Variants in GRIP2 observed in about 807,000 individuals in gnomAD.
GRIP2 encodes the protein glutamate receptor-interacting protein 2.
A neutral mutation model predicts 108.3 loss-of-function variants in GRIP2; 58 were observed. That is an observed-to-expected ratio of 0.54 (90% confidence interval 0.43 to 0.67). GRIP2 has a LOEUF of 0.67. Among genes scored for constraint, GRIP2 ranks in the 30% least tolerant of loss-of-function variants. The pLI is 0.00. For missense variants in GRIP2, 1,278 were observed against 1,430.6 expected, an observed-to-expected ratio of 0.89 and a Z score of 1.72; for synonymous variants, 586 against 598.2, an observed-to-expected ratio of 0.98 and a Z score of 0.30.
rs368701302 is a variant in GRIP2, at chr3:14,507,634, C to T, written c.2145G>A (p.Pro715=). 2.0e-3 allele frequency: 3,271 copies of T among 1,613,988 alleles called. 91 individuals carry two copies. The South Asian group carries it at 0.033, about 16-fold the overall frequency. The change falls in exon 18 of 24, where the codon CCG becomes CCA. Residue 715 remains proline (P), a synonymous_variant. Coordinates refer to ENST00000621039, the MANE Select transcript of GRIP2 (RefSeq NM_001080423.4). The surrounding 1 kb of genome is among the most constrained non-coding windows in gnomAD (Gnocchi z 4.6). ...GCAGGAGGTGGATGGCCTCGCTCAG[C>T]GGCCGGCCCTTGAGGCTAACGTTGT... ...AINNVSLKGR[P]LSEAIHLLQV... is the part of the protein sequence containing the mutation.
In GRIP2 at chr3:14,521,603, C is replaced by A; in HGVS notation, c.712+39G>T. ...TGCCACCTCCCCCCATCCCAGGCCTCCTCCTGCCCCAACCCACACACTCAG... is the reference window on the plus strand; with the variant it reads ...TGCCACCTCCCCCCATCCCAGGCCTACTCCTGCCCCAACCCACACACTCAG... On this transcript the variant is annotated intron_variant, in intron 7 of 23. Coordinates refer to ENST00000621039, the MANE Select transcript of GRIP2 (RefSeq NM_001080423.4). This position sits in a 1 kb window ranked among gnomAD's most constrained non-coding sequence, Gnocchi z 5.1. The A allele has an allele frequency of 6.4e-7, 1 of 1,564,034 alleles. No homozygotes were observed. The highest frequency in any genetic ancestry group is 1.2e-5 in the South Asian group (1 of 83,166).
Position 14,521,701 on chromosome 3 carries a change from G to T in GRIP2, c.653C>A (p.Thr218Asn), listed in dbSNP as rs1404435349. 2 of 1,611,862 alleles carry T rather than the reference G, an allele frequency of 1.2e-6. No homozygotes were observed. The highest frequency in any genetic ancestry group is 2.2e-5 in the South Asian group (2 of 90,560). The change falls in exon 7 of 24, where the codon ACC becomes AAC. Residue 218 changes from threonine to asparagine, a missense_variant. Coordinates refer to ENST00000621039, the MANE Select transcript of GRIP2 (RefSeq NM_001080423.4). The surrounding 1 kb of genome is among the most constrained non-coding windows in gnomAD (Gnocchi z 5.1). ...HGASHATALA[T>N]LRQCSHEALF... ...TGCCTCGTGGCTGCACTGCCGCAGGGTGGCCAGGGCGGTGGCATGGCTGGC... is the reference window on the plus strand; with the variant it reads ...TGCCTCGTGGCTGCACTGCCGCAGGTTGGCCAGGGCGGTGGCATGGCTGGC...
the GRIP2 span, among the ~76,000 whole-genome samples, chr3:14,588,934 C>A: frequency 1.3e-5 from 2 of 152,318 alleles, no homozygotes; most frequent in East Asian, 1.9e-4. Flanking sequence ...CACACCCAGC[C>A]CCCCAAAACC....
upstream of GRIP2, among the ~76,000 whole-genome samples, chr3:14,559,801 C>T (rs1178534776): frequency 6.6e-6 from 1 of 152,156 alleles, no homozygotes; most frequent in Non-Finnish European, 1.5e-5. Context: ...GCTGCTTCTC[C>T]CTGAGCCTCA....
In GRIP2 at chr3:14,513,211, C is replaced by T. The variant is rs376254823; in HGVS notation, c.1640-354G>A. Among the ~76,000 whole-genome samples the T allele has an allele frequency of 3.5e-4, 53 of 152,268 alleles. 3 individuals are homozygous for T. In the South Asian group the frequency reaches 0.011, roughly 30 times the overall value. On this transcript the variant is annotated intron_variant, in intron 13 of 23. Transcript: ENST00000621039. ...GTGCCAGGCCGTGGCTGGGTATTTT[C>T]ATGTTTTCATTTCTCTTGGGCATAT...
Position 14,512,864 on chromosome 3 carries a change from G to A in GRIP2, c.1640-7C>T. 6.2e-7 allele frequency: 1 copy of A among 1,613,574 alleles called. No individual in the cohort carries two copies. The highest frequency in any genetic ancestry group is 8.5e-7 in the Non-Finnish European group (1 of 1,179,734). ...CTGCTTGGGATGACGGACTCTGGGG[G>A]TAGATGGACATAAACCGACGTGAGG... On this transcript the variant is annotated splice_region_variant and splice_polypyrimidine_tract_variant and intron_variant, in intron 13 of 23. Coordinates refer to ENST00000621039, the MANE Select transcript of GRIP2 (RefSeq NM_001080423.4). This position sits in a 1 kb window ranked among gnomAD's most constrained non-coding sequence, Gnocchi z 5.1.
In GRIP2 at chr3:14,505,895, C is replaced by T; in HGVS notation, c.2399-106G>A. ...TGACCCTGGGGAGGTCGTTGCTCCT[C>T]TCTGGGCCTGCATCTACACAGCCCT... On this transcript the variant is annotated intron_variant, in intron 19 of 23. Transcript: ENST00000621039. The surrounding 1 kb of genome is among the most constrained non-coding windows in gnomAD (Gnocchi z 4.2). The T allele has an allele frequency of 9.4e-7, 1 of 1,058,882 alleles. No homozygotes were observed. The allele number at this position is 1,058,882 out of a possible 1,614,324, so 65.6% of individuals were successfully genotyped here.
At chr3:14,529,611 C>A (rs1694657143) in intron 1 of GRIP2, among the ~76,000 whole-genome samples, 1 of 151,520 alleles carries the variant, frequency 6.6e-6, no homozygotes, top group South Asian at 2.1e-4. Flanking sequence ...GATTATTTTG[C>A]TTTTATCTTT....
rs1214715767 is a variant in GRIP2, at chr3:14,520,251, T to C, written c.889A>G (p.Ile297Val). The part of the protein sequence containing the change: ...RSGALHPGDH[I>V]LSIDGTSMEH... ...ATGCTGGTGCCATCGATGGACAGGA[T>C]GTGGTCTCCAGGGTGCAGGGCTCCG... Residue 297 changes from isoleucine to valine, a missense_variant, in exon 9 of 24, where the codon ATC becomes GTC. By Grantham distance (29) the Ile-to-Val change is conservative (BLOSUM62 3). Transcript: ENST00000621039. 1.9e-6 allele frequency: 3 copies of C among 1,613,784 alleles called. No homozygotes were observed. The highest frequency in any genetic ancestry group is 2.5e-6 in the Non-Finnish European group (3 of 1,179,884).
At chr3:14,519,114 GA>G (rs1275831832) in intron 9 of GRIP2, among the ~76,000 whole-genome samples, 1 of 152,210 alleles carries the variant, frequency 6.6e-6, no homozygotes, top group Non-Finnish European at 1.5e-5. Context: ...GCAGATGCTC[GA>G]TAAATGGTAC....
intron 23 of GRIP2, among the ~76,000 whole-genome samples, chr3:14,494,322 G>A (rs886072101): frequency 1.3e-5 from 2 of 152,198 alleles, no homozygotes; most frequent in Admixed American, 6.5e-5. Context: ...TATAAATATG[G>A]CAAAAAACAC....
At chr3:14,497,367 G>A (rs959922935) in intron 21 of GRIP2, among the ~76,000 whole-genome samples, 5 of 152,204 alleles carry the variant, frequency 3.3e-5, no homozygotes, top group African/African-American at 7.2e-5. Flanking sequence ...TGAGGCACTC[G>A]GGAAGTGAGA....
chr3:14,589,188 G>A, the GRIP2 span, among the ~76,000 whole-genome samples: 1 of 151,474 alleles, frequency 6.6e-6, no homozygotes, highest in African/African-American at 2.4e-5. Flanking sequence ...GGTGCACTGG[G>A]GACGTCTTTA....
intron 1 of GRIP2, among the ~76,000 whole-genome samples, chr3:14,532,463 C>A (rs554923900): frequency 1.3e-5 from 2 of 152,254 alleles, no homozygotes; most frequent in East Asian, 3.9e-4. Context: ...GTGGTGGGGG[C>A]TTCTCTTCTG....
chr3:14,496,083 C>T (rs950918619), intron 22 of GRIP2, among the ~76,000 whole-genome samples: 8 of 151,898 alleles, frequency 5.3e-5, no homozygotes, highest in African/African-American at 1.7e-4. Flanking sequence ...AGGTCAGGGC[C>T]GCAGTGAGCC....
upstream of GRIP2, among the ~76,000 whole-genome samples, chr3:14,557,121 ACTC>A (rs1249117472): frequency 6.6e-6 from 1 of 152,086 alleles, no homozygotes; most frequent in Admixed American, 6.5e-5. Context: ...CACATGCAGA[ACTC>A]CTGCCAATCC....
chr3:14,492,823 A>C lies in GRIP2; in HGVS notation c.*842T>G, dbSNP rs967574462. 1.3e-5 allele frequency: 2 copies of C among 152,376 alleles called. No homozygotes were observed. The highest frequency in any genetic ancestry group is 2.4e-5 in the African/African-American group (1 of 41,576). 9.4% of individuals were successfully genotyped at this position (152,376 alleles called of 1,614,324 possible). On this transcript the variant is annotated 3_prime_UTR_variant, in exon 24 of 24. Coordinates refer to ENST00000621039, the MANE Select transcript of GRIP2 (RefSeq NM_001080423.4). ...TCAGTGGCCACACGGCCTACAGAAG[A>C]AGCAGGAGGGCTGAGAGCCCAAGGC...
chr3:14,565,640 C>T, the GRIP2 span, among the ~76,000 whole-genome samples: 4 of 152,180 alleles, frequency 2.6e-5, no homozygotes, highest in Admixed American at 2.0e-4. Context: ...TAAAATTTAC[C>T]CACTCCGGGC....
chr3:14,571,925 G>C, the GRIP2 span, among the ~76,000 whole-genome samples: 4 of 152,232 alleles, frequency 2.6e-5, no homozygotes, highest in Admixed American at 2.0e-4. Flanking sequence ...TGAGGTTGTG[G>C]AGCAACTGGA....
Sources: allele counts gnomAD v4.1 joint callset (sites outside exome capture counted in the v4.1 genomes callset), GRCh38; gene constraint gnomAD v4.1.1; non-coding constraint Gnocchi (gnomAD v3.1); transcripts MANE v1.5; gene names NCBI Gene and HGNC (gene_info 2026-07-23, HGNC 2026-07-21).